The following CADM2 variants were observed in gnomAD, a reference collection of about 807,000 sequenced individuals.
CADM2 encodes immunoglobulin superfamily member 4D.
A neutral mutation model predicts 49.8 loss-of-function variants in CADM2; 12 were observed. The ratio of observed to expected loss-of-function variants is 0.24; its 90% CI spans 0.15 to 0.39. CADM2 has a LOEUF of 0.39. Ranked by LOEUF, CADM2 falls within the 10% of genes least tolerant of loss-of-function variation. The pLI, the probability that CADM2 is intolerant of heterozygous loss-of-function variation, is 1.00. For missense variants in CADM2, 378 were observed against 492.3 expected (o/e 0.77, Z 2.20); for synonymous variants, 214 against 175.4 (o/e 1.22, Z -1.74).
chr3:85,618,560 C>T (rs771200030), intron 1 of CADM2, among the ~76,000 whole-genome samples: 9 of 152,174 alleles, frequency 5.9e-5, no homozygotes, highest in Admixed American at 3.9e-4. Context: ...ATTCTTAGTT[C>T]TACTTAGTCA....
At position 85,183,487 on chromosome 3, in the gene CADM2, T is replaced by G. The variant is rs749613060; in HGVS notation, c.61+223819T>G. Among the ~76,000 whole-genome samples, 66 of 152,104 alleles carry G rather than the reference T, an allele frequency of 4.3e-4. 1 individual carries two copies. The highest frequency in any genetic ancestry group is 1.3e-4 in the Non-Finnish European group (9 of 68,000). Reference sequence around the variant, plus strand: ...TTCAATGTATTATGTAGCTGAGTGCTGAGAGGAGCCAGTTGCACAGTAATT... The same window carrying G: ...TTCAATGTATTATGTAGCTGAGTGCGGAGAGGAGCCAGTTGCACAGTAATT... On this transcript the variant is annotated intron_variant, in intron 1 of 9. Coordinates refer to ENST00000383699, the MANE Select transcript of CADM2 (RefSeq NM_001167675.2).
At chr3:85,903,847 A>G (rs953257918) in intron 5 of CADM2, among the ~76,000 whole-genome samples, 5 of 152,150 alleles carry the variant, frequency 3.3e-5, no homozygotes, top group African/African-American at 7.2e-5. Flanking sequence ...TGCTATGTGC[A>G]TAAGTTGTTC....
chr3:85,080,533 G>A (rs1214032723), intron 1 of CADM2, among the ~76,000 whole-genome samples: 1 of 151,964 alleles, frequency 6.6e-6, no homozygotes, highest in Non-Finnish European at 1.5e-5. Flanking sequence ...AGAATTGTCG[G>A]TAGCAGTACC....
chr3:85,751,525 T>A (rs537094113), intron 2 of CADM2, among the ~76,000 whole-genome samples: 5 of 152,312 alleles, frequency 3.3e-5, no homozygotes, highest in Non-Finnish European at 7.4e-5. Flanking sequence ...ATCTTTGGCA[T>A]CAGAGACTTG....
At chr3:85,211,537 T>C (rs1341459316) in intron 1 of CADM2, among the ~76,000 whole-genome samples, 1 of 152,180 alleles carries the variant, frequency 6.6e-6, no homozygotes, top group Non-Finnish European at 1.5e-5. Context: ...AATTTCTTCA[T>C]TAGCCTTCTG....
At chr3:86,029,087 C>A (rs2107132874) in intron 8 of CADM2, among the ~76,000 whole-genome samples, 1 of 152,212 alleles carries the variant, frequency 6.6e-6, no homozygotes, top group South Asian at 2.1e-4. Flanking sequence ...AAAAGCTGTG[C>A]TTTCAAGTGA....
intron 1 of CADM2, among the ~76,000 whole-genome samples, chr3:85,490,125 A>G (rs2039610897): frequency 6.6e-6 from 1 of 151,984 alleles, no homozygotes; most frequent in Non-Finnish European, 1.5e-5. Context: ...TTTTTACAAG[A>G]CTCTTCTACT....
chr3:85,199,370 T>TGAGAGAGAGA (rs59939815), intron 1 of CADM2, among the ~76,000 whole-genome samples: 7 of 140,106 alleles, frequency 5.0e-5, no homozygotes, highest in African/African-American at 1.1e-4. Context: ...TGTGTGTGTA[T>TGAGAGAGAGA]GAGAGAGAGA....
chr3:85,414,021 C>T (rs530863698), intron 1 of CADM2, among the ~76,000 whole-genome samples: 56 of 152,218 alleles, frequency 3.7e-4, no homozygotes, highest in East Asian at 1.9e-3. Context: ...TGTGCCACCA[C>T]GCTCAGCTAA....
At chr3:85,246,196 A>C (rs1003434597) in intron 1 of CADM2, among the ~76,000 whole-genome samples, 3 of 152,202 alleles carry the variant, frequency 2.0e-5, no homozygotes, top group African/African-American at 7.2e-5. Flanking sequence ...TATCGCAAGA[A>C]CAAAAAACCA....
intron 8 of CADM2, among the ~76,000 whole-genome samples, chr3:86,016,109 CAT>C (rs1212076898): frequency 6.6e-6 from 1 of 152,044 alleles, no homozygotes; most frequent in Non-Finnish European, 1.5e-5. Context: ...ATTTTACTAT[CAT>C]GTAATTAACT....
intron 4 of CADM2, among the ~76,000 whole-genome samples, chr3:85,884,241 A>AT (rs200001558): frequency 1.3e-5 from 2 of 152,080 alleles, no homozygotes; most frequent in Non-Finnish European, 2.9e-5. Flanking sequence ...TTAAAGATTG[A>AT]TTTTTTTCCC....
At chr3:85,217,750 A>C (rs1353942732) in intron 1 of CADM2, among the ~76,000 whole-genome samples, 2 of 152,070 alleles carry the variant, frequency 1.3e-5, no homozygotes, top group Non-Finnish European at 2.9e-5. Context: ...TCTCATTCTC[A>C]ATTTTCTTAA....
At chr3:85,012,408 A>G (rs577628585) in intron 1 of CADM2, among the ~76,000 whole-genome samples, 105 of 148,900 alleles carry the variant, frequency 7.1e-4, no homozygotes, top group Non-Finnish European at 1.4e-3. Context: ...ATTTACTATC[A>G]ATTGTTCATA....
intron 3 of CADM2, among the ~76,000 whole-genome samples, chr3:85,873,563 G>C (rs181856654): frequency 4.4e-4 from 67 of 152,280 alleles, no homozygotes; most frequent in African/African-American, 1.5e-3. Flanking sequence ...CTACTGGGGA[G>C]GCTGAGACAG....
chr3:85,402,662 G>C lies in CADM2; in HGVS notation c.62-323860G>C, dbSNP rs1264540280. On this transcript the variant is annotated intron_variant, in intron 1 of 9. Coordinates refer to ENST00000383699, the MANE Select transcript of CADM2 (RefSeq NM_001167675.2). Reference sequence around the variant, plus strand: ...AACAAACTGTGACTCTGCAATTTGAGTCTGGGAGGTCACCAGAGGTCCTCC... The same window carrying C: ...AACAAACTGTGACTCTGCAATTTGACTCTGGGAGGTCACCAGAGGTCCTCC... Among the ~76,000 whole-genome samples the C allele has an allele frequency of 4.6e-5, 7 of 152,300 alleles. No individual in the cohort carries two copies. In the East Asian group the frequency reaches 1.3e-3, roughly 29 times the overall value.
At chr3:85,327,705 TATA>T (rs1287729427) in intron 1 of CADM2, among the ~76,000 whole-genome samples, 1 of 152,180 alleles carries the variant, frequency 6.6e-6, no homozygotes, top group Non-Finnish European at 1.5e-5. Flanking sequence ...TTTATTTCAT[TATA>T]ACTATTCTTT....
intron 8 of CADM2, among the ~76,000 whole-genome samples, chr3:86,039,168 T>C (rs752605451): frequency 6.6e-6 from 1 of 152,118 alleles, no homozygotes; most frequent in South Asian, 2.1e-4. Flanking sequence ...GATTTCTGCA[T>C]GTCCAACTGT....
At chr3:85,455,687 C>T (rs1433776871) in intron 1 of CADM2, among the ~76,000 whole-genome samples, 1 of 152,058 alleles carries the variant, frequency 6.6e-6, no homozygotes, top group Non-Finnish European at 1.5e-5. Flanking sequence ...CAACTGAAGG[C>T]TTCACAAAGG....
Sources: allele counts gnomAD v4.1 joint callset (sites outside exome capture counted in the v4.1 genomes callset), GRCh38; gene constraint gnomAD v4.1.1; transcripts MANE v1.5; gene names NCBI Gene and HGNC (gene_info 2026-07-23, HGNC 2026-07-21).